FANCI: variants seen among roughly 807,000 people sequenced by gnomAD.
The protein encoded by FANCI is FA complementation group I, also known as Fanconi anemia group I protein.
A neutral mutation model predicts 176.1 loss-of-function variants in FANCI; 156 were observed. The ratio of observed to expected loss-of-function variants is 0.89; its 90% confidence interval spans 0.78 to 1.01. The LOEUF (loss-of-function observed/expected upper bound fraction) is 1.01, where lower values mean the gene tolerates loss of function less well. FANCI is among the 50% of genes least tolerant of loss of function. FANCI has a pLI of 0.00. For synonymous variants in FANCI, 613 were observed against 541.7 expected, an observed-to-expected ratio of 1.13 and a Z score of -1.83; for missense variants, 1,678 against 1,534.1, an observed-to-expected ratio of 1.09 and a Z score of -1.57.
chr15:89,279,437 C>T (rs544861456), intron 14 of FANCI, among the ~76,000 whole-genome samples: 2 of 152,292 alleles, frequency 1.3e-5, no homozygotes, highest in East Asian at 3.9e-4. Flanking sequence ...GGATTACAGG[C>T]GTGAGCCACC....
chr15:89,278,600 C>A, intron 13 of FANCI, 87 bp from the exon 14 acceptor site: 1 of 936,484 alleles, frequency 1.1e-6, no homozygotes, highest in Non-Finnish European at 1.7e-6. Flanking sequence ...CATATCCAAA[C>A]GGTTCTTCAT....
At chr15:89,303,714 C>A in intron 27 of FANCI, 150 bp from the exon 28 acceptor site, 1 of 641,522 alleles carries the variant, frequency 1.6e-6, no homozygotes. Context: ...ATTTTTATGC[C>A]CTTCATCATA....
In FANCI at chr15:89,268,416, C is replaced by G. The variant is rs1347234287; in HGVS notation, c.773C>G (p.Thr258Ser). 3 of 1,614,204 alleles carry G rather than the reference C, an allele frequency of 1.9e-6. No homozygotes were observed. Among genetic ancestry groups the G allele is most frequent in the East Asian group, 2.2e-5 (1 of 44,886 alleles). ...TCTTTTAGGCTATTGGATGTTGTCA[C>G]TGTGCCATCAGGTGAACTTCGTCAT... is the stretch of plus-strand genomic sequence containing the variant. ...QSGDELLDVVTVPSGELRHVE... is the reference protein window; with the variant it reads ...QSGDELLDVVSVPSGELRHVE... Residue 258 changes from threonine (T) to serine (S), a missense_variant, in exon 10 of 38, where the codon ACT becomes AGT. This residue lies in a region of FANCI where 469 missense variants were observed against 436.9 expected (regional missense o/e 1.07). Coordinates refer to ENST00000310775, the MANE Select transcript of FANCI (RefSeq NM_001113378.2).
At chr15:89,296,984 C>T (rs2054312157) in intron 24 of FANCI, among the ~76,000 whole-genome samples, 1 of 150,014 alleles carries the variant, frequency 6.7e-6, no homozygotes. Context: ...CCCCCCACCT[C>T]CCTCCCGGAC....
At chr15:89,281,030 C>T (rs1027183326) in intron 14 of FANCI, 140 bp from the exon 15 acceptor site, 1 of 782,508 alleles carries the variant, frequency 1.3e-6, no homozygotes, top group African/African-American at 1.7e-5. Context: ...TATATAGAAT[C>T]AGTAGAAATT....
chr15:89,305,467 A>T (rs1176884591), intron 30 of FANCI, 58 bp downstream of exon 30: 2 of 1,611,454 alleles, frequency 1.2e-6, no homozygotes, highest in African/African-American at 2.7e-5. Context: ...ATTCTACTCC[A>T]TGTGAAGTGA....
intron 34 of FANCI, among the ~76,000 whole-genome samples, chr15:89,310,678 G>A (rs571485907): frequency 6.6e-6 from 1 of 152,218 alleles, no homozygotes; most frequent in Non-Finnish European, 1.5e-5. Flanking sequence ...ACTAGAAATG[G>A]GGATTGCATT....
intron 17 of FANCI, among the ~76,000 whole-genome samples, chr15:89,284,029 G>A (rs1373504790): frequency 1.3e-5 from 2 of 152,134 alleles, no homozygotes; most frequent in East Asian, 1.9e-4. Flanking sequence ...CCAAAGTGCT[G>A]GGATTACAGG....
chr15:89,281,088 C>A, intron 14 of FANCI, 82 bp from the exon 15 acceptor site: 1 of 1,431,980 alleles, frequency 7.0e-7, no homozygotes, highest in Non-Finnish European at 9.8e-7. Flanking sequence ...CAAAAGACTT[C>A]ACATTTCTTT....
At position 89,310,696 on chromosome 15, in the gene FANCI, CCT is replaced by C. The variant is rs1373291514; in HGVS notation, c.3652-2204_3652-2203del. 2.0e-5 allele frequency among the ~76,000 whole-genome samples: 3 copies of C among 152,260 alleles called. No homozygotes were observed. In the East Asian group the frequency reaches 5.8e-4, roughly 29 times the overall value. ...AGAAATGGGGATTGCATTTTCCACACCTCTCAGTGAACTGTTAATTCTCTTGT... is the reference window on the plus strand; with the variant it reads ...AGAAATGGGGATTGCATTTTCCACACCTCAGTGAACTGTTAATTCTCTTGT... On this transcript the variant is annotated intron_variant, in intron 34 of 37. Transcript: ENST00000310775.
intron 24 of FANCI, among the ~76,000 whole-genome samples, chr15:89,297,804 TTTTG>T (rs2054365432): frequency 6.7e-6 from 1 of 150,040 alleles, no homozygotes; most frequent in Non-Finnish European, 1.5e-5. Context: ...TCGTTTGTTT[TTTTG>T]TTTTTGTTTT....
At chr15:89,295,540 C>G (rs572177666) in intron 24 of FANCI, among the ~76,000 whole-genome samples, 5 of 152,088 alleles carry the variant, frequency 3.3e-5, no homozygotes, top group African/African-American at 1.2e-4. Flanking sequence ...GTGGCACATG[C>G]CTGTCATACC....
chr15:89,314,770 G>A (rs2152019079), intron 36 of FANCI, 63 bp downstream of exon 36: 1 of 1,200,418 alleles, frequency 8.3e-7, no homozygotes, highest in Non-Finnish European at 1.2e-6. Context: ...CTGGCAAACT[G>A]AAGCAGCACA....
In FANCI at chr15:89,255,731, C is replaced by T. The variant is rs1230763888; in HGVS notation, c.85-2973C>T. The stretch of plus-strand genomic sequence containing the variant: ...ACAGTCTGCCAATTAATTTTAAAGC[C>T]TTCTGAGGTAACAGGGATACTTAAA... On this transcript the variant is annotated intron_variant, in intron 2 of 37. Transcript: ENST00000310775. 3.3e-5 allele frequency among the ~76,000 whole-genome samples: 5 copies of T among 152,292 alleles called. No homozygotes were observed. The East Asian group carries it at 5.8e-4, about 18-fold the overall frequency.
chr15:89,255,244 T>C (rs1281498973), intron 2 of FANCI, among the ~76,000 whole-genome samples: 1 of 152,228 alleles, frequency 6.6e-6, no homozygotes, highest in African/African-American at 2.4e-5. Flanking sequence ...ACCAATGTCT[T>C]GTATCCCTGG....
At position 89,299,697 on chromosome 15, in the gene FANCI, T is replaced by A. The variant is rs906658111; in HGVS notation, c.2637-103T>A. On this transcript the variant is annotated intron_variant, in intron 24 of 37. Transcript: ENST00000310775. ...GATTACACAACCATGTAAGTTTTTTTAAACTTCTAGAACTGTTCACCTACA... is the reference window on the plus strand; with the variant it reads ...GATTACACAACCATGTAAGTTTTTTAAAACTTCTAGAACTGTTCACCTACA... 1.1e-5 allele frequency: 13 copies of A among 1,207,664 alleles called. No homozygotes were observed. In the Admixed American group the frequency reaches 1.7e-4, roughly 16 times the overall value. 74.8% of individuals were successfully genotyped at this position (1,207,664 alleles called of 1,614,324 possible).
intron 11 of FANCI, 130 bp from the exon 12 acceptor site, chr15:89,274,038 A>G: frequency 1.4e-6 from 1 of 693,162 alleles, no homozygotes; most frequent in Non-Finnish European, 2.4e-6. Flanking sequence ...TCATAGGAAC[A>G]GTTATAAGGT....
intron 4 of FANCI, 142 bp downstream of exon 4, chr15:89,260,985 G>C (rs1229911248): frequency 1.9e-6 from 2 of 1,080,508 alleles, no homozygotes; most frequent in Non-Finnish European, 2.7e-6. Flanking sequence ...AAAGAAGCAG[G>C]CCGGGCATGG....
intron 3 of FANCI, among the ~76,000 whole-genome samples, 182 bp from the exon 4 acceptor site, chr15:89,260,531 C>T (rs188064424): frequency 6.6e-6 from 1 of 152,138 alleles, no homozygotes; most frequent in African/African-American, 2.4e-5. Flanking sequence ...ATTTTAGTCC[C>T]TTTATTTTGG....
Sources: allele counts gnomAD v4.1 joint callset (sites outside exome capture counted in the v4.1 genomes callset), GRCh38; gene constraint gnomAD v4.1.1; regional missense constraint gnomAD v4.1.1; transcripts MANE v1.5; gene names NCBI Gene and HGNC (gene_info 2026-07-23, HGNC 2026-07-21).